The following LHX4 variants were observed in gnomAD, a reference collection of about 807,000 sequenced individuals.
The protein encoded by LHX4 is LIM homeobox 4, also known as LIM/homeobox protein Lhx4.
A neutral mutation model predicts 39.2 loss-of-function variants in LHX4; 16 were observed. That is an observed-to-expected ratio of 0.41 (90% CI 0.28 to 0.62). LHX4 has a LOEUF of 0.62. Among genes scored for constraint, LHX4 ranks in the 20% least tolerant of loss-of-function variants. LHX4 has a pLI of 0.33. For missense variants in LHX4, 439 were observed against 511.9 expected (o/e 0.86, Z 1.37); for synonymous variants, 206 against 198.1 (o/e 1.04, Z -0.33).
At chr1:180,260,665 G>A (rs1483016560) in intron 2 of LHX4, among the ~76,000 whole-genome samples, 1 of 151,812 alleles carries the variant, frequency 6.6e-6, no homozygotes, top group Non-Finnish European at 1.5e-5. Context: ...CCAATTACAT[G>A]TGTTGGGGTT....
At chr1:180,267,614 G>A (rs577252788) in intron 3 of LHX4, among the ~76,000 whole-genome samples, 2 of 152,324 alleles carry the variant, frequency 1.3e-5, no homozygotes, top group Admixed American at 1.3e-4. Context: ...AGGTGTGAAC[G>A]CACAAAACAT....
rs551489576 is a variant in LHX4, at chr1:180,243,660, T to C, written c.77-4625T>C. ...CATCAACAGGCAGACACCTTGTAGCTGGGGGAGGAGATTGTGGACAGAGGC... is the reference window on the plus strand; with the variant it reads ...CATCAACAGGCAGACACCTTGTAGCCGGGGGAGGAGATTGTGGACAGAGGC... On this transcript the variant is annotated intron_variant, in intron 1 of 5. Transcript: ENST00000263726. Among the ~76,000 whole-genome samples the C allele has an allele frequency of 1.9e-3, 293 of 152,186 alleles. 1 individual carries two copies. The highest frequency in any genetic ancestry group is 3.3e-3 in the Non-Finnish European group (223 of 67,996).
At chr1:180,238,453 G>A (rs560334434) in intron 1 of LHX4, among the ~76,000 whole-genome samples, 98 of 152,308 alleles carry the variant, frequency 6.4e-4, no homozygotes, top group Non-Finnish European at 1.2e-3. Context: ...GTACACTGAT[G>A]CATTTTAAAA....
At chr1:180,229,565 G>GGA (rs1434021038), upstream of LHX4, among the ~76,000 whole-genome samples, 1 of 152,182 alleles carries the variant, frequency 6.6e-6, no homozygotes, top group African/African-American at 2.4e-5. Context: ...CAGACGCGGG[G>GGA]GAGAGAGAGC....
intron 2 of LHX4, among the ~76,000 whole-genome samples, chr1:180,263,688 T>A (rs537740095): frequency 6.6e-6 from 1 of 152,254 alleles, no homozygotes; most frequent in African/African-American, 2.4e-5. Context: ...CATGCATGAA[T>A]CACTGTCGGT....
At chr1:180,265,260 G>A (rs1421117841) in intron 2 of LHX4, among the ~76,000 whole-genome samples, 1 of 152,184 alleles carries the variant, frequency 6.6e-6, no homozygotes, top group East Asian at 1.9e-4. Flanking sequence ...AGAAGATAAA[G>A]TTCTGCTGTG....
At chr1:180,255,575 G>A (rs952235599) in intron 2 of LHX4, among the ~76,000 whole-genome samples, 3 of 152,232 alleles carry the variant, frequency 2.0e-5, no homozygotes, top group South Asian at 2.1e-4. Flanking sequence ...GTGGCTGTGC[G>A]TGTGGACATT....
chr1:180,250,495 G>A (rs1438338209), intron 2 of LHX4, among the ~76,000 whole-genome samples: 1 of 152,184 alleles, frequency 6.6e-6, no homozygotes, highest in East Asian at 1.9e-4. Flanking sequence ...AGATGTGTAT[G>A]CCTGCACCTT....
chr1:180,244,823 G>C (rs1429892049), intron 1 of LHX4, among the ~76,000 whole-genome samples: 1 of 151,730 alleles, frequency 6.6e-6, no homozygotes, highest in African/African-American at 2.4e-5. Flanking sequence ...TTGCCCCCCT[G>C]GGAGTCCAGC....
chr1:180,255,485 T>A (rs943420445), intron 2 of LHX4, among the ~76,000 whole-genome samples: 1 of 152,246 alleles, frequency 6.6e-6, no homozygotes, highest in Non-Finnish European at 1.5e-5. Flanking sequence ...TGACTTTCCA[T>A]AATTTCTGAA....
chr1:180,266,616 G>T lies in LHX4; in HGVS notation c.451+22G>T. 2.5e-6 allele frequency: 4 copies of T among 1,610,866 alleles called. No homozygotes were observed. The highest frequency in any genetic ancestry group is 1.7e-4 in the Middle Eastern group (1 of 6,046). On this transcript the variant is annotated intron_variant, in intron 3 of 5. Transcript: ENST00000263726. The surrounding 1 kb of genome is among the most constrained non-coding windows in gnomAD (Gnocchi z 5.7). ...AACGGTAAGCAGCATGGCCCCGCAT[G>T]GTCCCCTCTCCAGGCCTTTGTTTGG...
Position 180,265,862 on chromosome 1 carries a change from C to T in LHX4, c.249-530C>T, listed in dbSNP as rs143092180. 3.9e-4 allele frequency among the ~76,000 whole-genome samples: 59 copies of T among 152,298 alleles called. 1 individual carries two copies. Among genetic ancestry groups the T allele is most frequent in the African/African-American group, 1.4e-3 (58 of 41,558 alleles). ...GAGAACAGCTGTCAGGACAGCCTTG[C>T]TCTGCTGACAAAGTGCATTTTCTCT... is the stretch of plus-strand genomic sequence containing the variant. On this transcript the variant is annotated intron_variant, in intron 2 of 5. Coordinates refer to ENST00000263726, the MANE Select transcript of LHX4 (RefSeq NM_033343.4).
At chr1:180,255,290 A>G (rs1245751621) in intron 2 of LHX4, among the ~76,000 whole-genome samples, 1 of 152,170 alleles carries the variant, frequency 6.6e-6, no homozygotes, top group Non-Finnish European at 1.5e-5. Flanking sequence ...TCTGATAACC[A>G]CACACCTGCC....
Position 180,265,674 on chromosome 1 carries a change from C to T in LHX4, c.249-718C>T, listed in dbSNP as rs1034531289. Among the ~76,000 whole-genome samples the T allele has an allele frequency of 2.0e-5, 3 of 152,174 alleles. No homozygotes were observed. In the South Asian group the frequency reaches 6.2e-4, roughly 32 times the overall value. On this transcript the variant is annotated intron_variant, in intron 2 of 5. Transcript: ENST00000263726. The stretch of plus-strand genomic sequence containing the variant: ...TTTTCCAAACTGTAATCTGCAGACT[C>T]CTTGTCCCGAATGCTGTAGGGGCTG...
Position 180,276,656 on chromosome 1 carries a change from C to T in LHX4, c.*2077C>T, listed in dbSNP as rs571230599. 1.3e-5 allele frequency: 2 copies of T among 152,288 alleles called. No homozygotes were observed. The highest frequency in any genetic ancestry group is 2.1e-4 in the South Asian group (1 of 4,828). The allele number at this position is 152,288 out of a possible 1,614,324, so 9.4% of individuals were successfully genotyped here. A position where few individuals can be genotyped will look rare whatever the true frequency, so the allele number is the denominator to read the frequency against. On this transcript the variant is annotated 3_prime_UTR_variant, in exon 6 of 6. Transcript: ENST00000263726. ...AGGATGGCTTTTTAAATACACCCTT[C>T]TTAGCAGGCTGCTTAAAATACACAG...
At chr1:180,229,500 G>A (rs1351904838), upstream of LHX4, among the ~76,000 whole-genome samples, 3 of 152,180 alleles carry the variant, frequency 2.0e-5, 1 homozygote, top group South Asian at 6.2e-4. Flanking sequence ...GCCGCCCGCC[G>A]CGTGACTCGC....
At position 180,230,479 on chromosome 1, in the gene LHX4, G is replaced by A. The variant is rs1664149874; in HGVS notation, c.-51G>A. On this transcript the variant is annotated 5_prime_UTR_variant, in exon 1 of 6. Coordinates refer to ENST00000263726, the MANE Select transcript of LHX4 (RefSeq NM_033343.4). The surrounding 1 kb of genome is among the most constrained non-coding windows in gnomAD (Gnocchi z 5.8). ...TGAAATTTCTGAATCGAGCTAGAGC[G>A]AGAGAGCGAGAGATCTCCGTAGACT... 6.9e-7 allele frequency: 1 copy of A among 1,454,432 alleles called. No individual in the cohort carries two copies. The highest frequency in any genetic ancestry group is 1.7e-5 in the Admixed American group (1 of 58,972). The allele number at this position is 1,454,432 out of a possible 1,614,324, so 90.1% of individuals were successfully genotyped here.
At chr1:180,271,109 G>C (rs903402988) in intron 3 of LHX4, 1 of 531,546 alleles carries the variant, frequency 1.9e-6, no homozygotes, top group African/African-American at 1.9e-5. Context: ...TGAGACTTCT[G>C]TGCAGCTGGG....
At chr1:180,250,984 C>T (rs1647606056) in intron 2 of LHX4, among the ~76,000 whole-genome samples, 1 of 152,216 alleles carries the variant, frequency 6.6e-6, no homozygotes, top group Non-Finnish European at 1.5e-5. Context: ...AGCCCTGGCC[C>T]TCTTTTGGAT....
Sources: allele counts gnomAD v4.1 joint callset (sites outside exome capture counted in the v4.1 genomes callset), GRCh38; gene constraint gnomAD v4.1.1; non-coding constraint Gnocchi (gnomAD v3.1); transcripts MANE v1.5; gene names NCBI Gene and HGNC (gene_info 2026-07-23, HGNC 2026-07-21).